Variants in NRXN3 observed in about 807,000 individuals in gnomAD.
NRXN3 encodes neurexin III.
NRXN3 carries 32 observed loss-of-function variants against 137.6 expected under a neutral mutation model. The observed-to-expected ratio is 0.23, with a 90% CI of 0.18 to 0.31. The LOEUF (loss-of-function observed/expected upper bound fraction) is 0.31. NRXN3 is among the 10% of genes least tolerant of loss of function. The pLI, the probability that NRXN3 is intolerant of heterozygous loss-of-function variation, is 1.00. For missense variants in NRXN3, 1,574 were observed against 2,062.5 expected (o/e 0.76, Z 4.59); for synonymous variants, 798 against 784.5 (o/e 1.02, Z -0.29).
chr14:79,471,401 ATTC>A (rs1181943892), intron 16 of NRXN3, among the ~76,000 whole-genome samples: 2 of 152,214 alleles, frequency 1.3e-5, no homozygotes, highest in Admixed American at 1.3e-4. Context: ...TGCACTACAC[ATTC>A]ATCACATCTG....
intron 8 of NRXN3, among the ~76,000 whole-genome samples, chr14:78,794,553 TTTAA>T (rs1322047170): frequency 6.6e-6 from 1 of 152,134 alleles, no homozygotes; most frequent in Non-Finnish European, 1.5e-5. Context: ...TAAAGTTTAG[TTTAA>T]TTAAAGTAGT....
In NRXN3 at chr14:79,747,745, A is replaced by G. The variant is rs141888166; in HGVS notation, c.4014+49808A>G. On this transcript the variant is annotated intron_variant, in intron 19 of 20. Coordinates refer to ENST00000335750, the MANE Select transcript of NRXN3 (RefSeq NM_001330195.2). ...AAAATCAAAGCACTCTAGAGGAAGT[A>G]ATCATATGTTTAATGTCATAAGTCA... Among the ~76,000 whole-genome samples, 3 of 152,270 alleles carry G rather than the reference A, an allele frequency of 2.0e-5. No homozygotes were observed. The East Asian group carries it at 5.8e-4, about 29-fold the overall frequency.
At chr14:79,131,794 G>A (rs1378197793) in intron 15 of NRXN3, among the ~76,000 whole-genome samples, 3 of 152,234 alleles carry the variant, frequency 2.0e-5, no homozygotes, top group Non-Finnish European at 4.4e-5. Context: ...CCACCTTGCA[G>A]TTTGATCTCA....
chr14:79,025,352 T>A (rs1397973311), intron 15 of NRXN3, among the ~76,000 whole-genome samples: 1 of 152,110 alleles, frequency 6.6e-6, no homozygotes. Flanking sequence ...GTTCTTATAG[T>A]AATCATCAGG....
intron 1 of NRXN3, among the ~76,000 whole-genome samples, chr14:78,218,389 A>T (rs1023811975): frequency 2.0e-5 from 3 of 152,142 alleles, no homozygotes; most frequent in African/African-American, 7.2e-5. Flanking sequence ...TTACTTGATG[A>T]AATAAAAAAT....
rs1423008295 is a variant in NRXN3, at chr14:78,242,986, C to A, written c.-108C>A. 2 of 735,896 alleles carry A rather than the reference C, an allele frequency of 2.7e-6. No individual in the cohort carries two copies. The highest frequency in any genetic ancestry group is 2.2e-6 in the Non-Finnish European group (1 of 459,064). The allele number at this position is 735,896 out of a possible 1,614,324, so 45.6% of individuals were successfully genotyped here. On this transcript the variant is annotated 5_prime_UTR_variant, in exon 2 of 21. Coordinates refer to ENST00000335750, the MANE Select transcript of NRXN3 (RefSeq NM_001330195.2). ...TGCCTTCCTCCTGTGTGCTTTCTGT[C>A]CCCCCATCTCTGTCTTGTCTTTCCC...
chr14:78,543,842 A>G (rs1467112301), intron 4 of NRXN3, among the ~76,000 whole-genome samples: 1 of 152,188 alleles, frequency 6.6e-6, no homozygotes, highest in Non-Finnish European at 1.5e-5. Flanking sequence ...TTCAGGGTAG[A>G]GTAAAACAAC....
chr14:79,551,525 C>A (rs1466290710), intron 16 of NRXN3, among the ~76,000 whole-genome samples: 1 of 152,172 alleles, frequency 6.6e-6, no homozygotes, highest in Non-Finnish European at 1.5e-5. Flanking sequence ...TTCCATCTCT[C>A]TTTTAAGAAG....
Position 79,448,949 on chromosome 14 carries a change from A to T in NRXN3, c.3263-18272A>T, listed in dbSNP as rs562404373. Among the ~76,000 whole-genome samples the T allele has an allele frequency of 4.6e-5, 7 of 152,314 alleles. No individual in the cohort carries two copies. The East Asian group carries it at 1.4e-3, about 29-fold the overall frequency. Reference sequence around the variant, plus strand: ...GCTCACTGCACATGAATTTCCAAGGATACAGTTGTTCTTGAACAATCACAG... The same window carrying T: ...GCTCACTGCACATGAATTTCCAAGGTTACAGTTGTTCTTGAACAATCACAG... On this transcript the variant is annotated intron_variant, in intron 15 of 20. Coordinates refer to ENST00000335750, the MANE Select transcript of NRXN3 (RefSeq NM_001330195.2).
At chr14:78,328,982 C>T (rs1255246275) in intron 4 of NRXN3, among the ~76,000 whole-genome samples, 3 of 152,090 alleles carry the variant, frequency 2.0e-5, no homozygotes, top group African/African-American at 7.2e-5. Flanking sequence ...TTTAAAAAAA[C>T]CAGATCTTTT....
At chr14:79,492,999 A>G (rs1432008554) in intron 16 of NRXN3, among the ~76,000 whole-genome samples, 1 of 152,228 alleles carries the variant, frequency 6.6e-6, no homozygotes, top group African/African-American at 2.4e-5. Context: ...CAAAGTATTT[A>G]CCTTCATGTG....
intron 15 of NRXN3, among the ~76,000 whole-genome samples, chr14:79,107,006 C>T (rs1330678462): frequency 1.3e-5 from 2 of 151,980 alleles, no homozygotes; most frequent in African/African-American, 2.4e-5. Flanking sequence ...GCTTAGAAGG[C>T]TAGATACACA....
chr14:79,359,570 CTT>C (rs61025850), intron 15 of NRXN3, among the ~76,000 whole-genome samples: 352 of 105,450 alleles, frequency 3.3e-3, no homozygotes, highest in Middle Eastern at 4.7e-3. Context: ...AACATTTAGT[CTT>C]TTTTTTTTTT....
At chr14:78,706,016 C>T (rs1419734288) in intron 6 of NRXN3, among the ~76,000 whole-genome samples, 3 of 152,154 alleles carry the variant, frequency 2.0e-5, no homozygotes, top group African/African-American at 7.2e-5. Flanking sequence ...CTTCACTGCT[C>T]TTGTATCTTG....
chr14:78,805,529 A>G (rs906259724), intron 9 of NRXN3, among the ~76,000 whole-genome samples: 8 of 151,742 alleles, frequency 5.3e-5, no homozygotes, highest in African/African-American at 1.7e-4. Context: ...TACCCACCTT[A>G]AATCAATATA....
chr14:79,103,508 G>A (rs529062955), intron 15 of NRXN3, among the ~76,000 whole-genome samples: 5 of 152,234 alleles, frequency 3.3e-5, no homozygotes, highest in Non-Finnish European at 7.3e-5. Flanking sequence ...GGTAGAAGAT[G>A]TCCAGCAGAA....
chr14:78,829,482 C>G (rs984513613), intron 10 of NRXN3, among the ~76,000 whole-genome samples: 1 of 152,074 alleles, frequency 6.6e-6, no homozygotes, highest in African/African-American at 2.4e-5. Context: ...AGGATTTCAC[C>G]ATAGTCAATG....
At chr14:78,542,830 T>G (rs2153821316) in intron 4 of NRXN3, among the ~76,000 whole-genome samples, 1 of 152,294 alleles carries the variant, frequency 6.6e-6, no homozygotes, top group Admixed American at 6.5e-5. Flanking sequence ...GAATACCCAC[T>G]CCAGATTTCT....
chr14:78,930,753 C>G lies in NRXN3; in HGVS notation c.2276-26489C>G, dbSNP rs567702342. On this transcript the variant is annotated intron_variant, in intron 10 of 20. Transcript: ENST00000335750. ...GCATTTGAATCAAACTTTCTTTCCC[C>G]AAGGTTGTCTCCATCATGCCAGGCT... Among the ~76,000 whole-genome samples, 41 of 152,264 alleles carry G rather than the reference C, an allele frequency of 2.7e-4. 1 individual carries two copies. The South Asian group carries it at 6.4e-3, about 24-fold the overall frequency.
Sources: gnomAD v4.1 joint callset for allele counts (sites outside exome capture counted in the v4.1 genomes callset) on GRCh38, gnomAD v4.1.1 for gene constraint, MANE v1.5 for transcripts, NCBI Gene and HGNC (gene_info 2026-07-23, HGNC 2026-07-21) for gene names.